Variants in NDNF observed in about 807,000 individuals in gnomAD.
NDNF encodes the protein protein NDNF.
Under a neutral mutation model 42.0 loss-of-function variants are expected in NDNF, and 16 were observed. That is an observed-to-expected ratio of 0.38 (90% CI 0.26 to 0.58). NDNF has a LOEUF of 0.58. Among genes scored for constraint, NDNF ranks in the 20% least tolerant of loss-of-function variants. NDNF has a pLI of 0.67. For synonymous variants in NDNF, 248 were observed against 251.7 expected (o/e 0.99, Z 0.14); for missense variants, 616 against 666.2 (o/e 0.92, Z 0.83).
chr4:121,040,790 G>A (rs1420797041), intron 2 of NDNF, among the ~76,000 whole-genome samples: 1 of 152,122 alleles, frequency 6.6e-6, no homozygotes, highest in Non-Finnish European at 1.5e-5. Flanking sequence ...CTGCAGGCGT[G>A]TGCCACCATA....
At chr4:121,069,854 G>A (rs1006512179) in intron 1 of NDNF, among the ~76,000 whole-genome samples, 1 of 152,148 alleles carries the variant, frequency 6.6e-6, no homozygotes, top group African/African-American at 2.4e-5. Flanking sequence ...AAACTCATAA[G>A]AGTCACTTCT....
chr4:121,046,156 A>T (rs975544373), intron 1 of NDNF, among the ~76,000 whole-genome samples: 5 of 152,214 alleles, frequency 3.3e-5, no homozygotes, highest in African/African-American at 1.2e-4. Flanking sequence ...CTATATGGAC[A>T]TTGTAGATAA....
chr4:121,047,309 G>A lies in NDNF; in HGVS notation c.-1-1471C>T, dbSNP rs79910907. On this transcript the variant is annotated intron_variant, in intron 1 of 3. Transcript: ENST00000379692. ...TATTCTTTGCTGTTCTGTGTTCTGC[G>A]GTTTTCCATACAAAATATCTGCAGT... 4.2e-3 allele frequency among the ~76,000 whole-genome samples: 637 copies of A among 152,228 alleles called. 4 individuals carry two copies. The highest frequency in any genetic ancestry group is 0.015 in the African/African-American group (615 of 41,534).
At chr4:121,062,887 T>C (rs1470569003) in intron 1 of NDNF, among the ~76,000 whole-genome samples, 1 of 152,162 alleles carries the variant, frequency 6.6e-6, no homozygotes, top group Non-Finnish European at 1.5e-5. Flanking sequence ...AAACTTTAAA[T>C]GTGGAAAATG....
intron 1 of NDNF, among the ~76,000 whole-genome samples, chr4:121,052,714 C>T (rs1164309620): frequency 1.3e-5 from 2 of 152,178 alleles, no homozygotes; most frequent in Non-Finnish European, 2.9e-5. Context: ...GAATGTCCAA[C>T]ATGTGCCAGC....
chr4:121,054,353 T>C (rs1727249406), intron 1 of NDNF, among the ~76,000 whole-genome samples: 1 of 152,202 alleles, frequency 6.6e-6, no homozygotes, highest in Admixed American at 6.5e-5. Context: ...TCAATATCTA[T>C]ATAATACATT....
At chr4:121,066,924 G>A (rs1727508904) in intron 1 of NDNF, among the ~76,000 whole-genome samples, 1 of 152,226 alleles carries the variant, frequency 6.6e-6, no homozygotes, top group Non-Finnish European at 1.5e-5. Flanking sequence ...TTAGAGAGAA[G>A]AAACACTGAC....
Position 121,037,635 on chromosome 4 carries a change from C to T in NDNF, c.336G>A (p.Gln112=), listed in dbSNP as rs1174295529. 1.3e-6 allele frequency: 2 copies of T among 1,588,534 alleles called. No individual in the cohort carries two copies. Among genetic ancestry groups the T allele is most frequent in the African/African-American group, 1.3e-5 (1 of 74,836 alleles). ...EGSGDLEPLE[Q]QKQQIINEEG... ...CCTCATTAATGATCTGCTGCTTCTG[C>T]TGCTCAAGAGGTTCCAGATCACCTA... is the stretch of plus-strand genomic sequence containing the variant. The change falls in exon 4 of 4, where the codon CAG becomes CAA. Residue 112 remains glutamine, a synonymous_variant. Coordinates refer to ENST00000379692, the MANE Select transcript of NDNF (RefSeq NM_024574.4).
chr4:121,036,888 C>T lies in NDNF; in HGVS notation c.1083G>A (p.Lys361=), dbSNP rs772059769. Residue 361 remains lysine, a synonymous_variant, in exon 4 of 4, where the codon AAG becomes AAA. Coordinates refer to ENST00000379692, the MANE Select transcript of NDNF (RefSeq NM_024574.4). ...AAGAGACTGGAGCAAACCGTAGAAA[C>T]TTTGCTCCCTTCCTTTTAACAAATA... is the stretch of plus-strand genomic sequence containing the variant. ...TDVFVKRKGA[K]FLRFAPVSSH... The T allele has an allele frequency of 6.2e-7, 1 of 1,614,006 alleles. No homozygotes were observed.
Position 121,059,461 on chromosome 4 carries a change from T to C in NDNF, c.-2+12532A>G, listed in dbSNP as rs561889563. Among the ~76,000 whole-genome samples the C allele has an allele frequency of 2.0e-5, 3 of 152,348 alleles. No individual in the cohort carries two copies. The South Asian group carries it at 6.2e-4, about 32-fold the overall frequency. The stretch of plus-strand genomic sequence containing the variant: ...TGCTAAACTTATATATAATAGGCTA[T>C]TGTGTGAAACCTAAGTAGTCTGGAA... On this transcript the variant is annotated intron_variant, in intron 1 of 3. Coordinates refer to ENST00000379692, the MANE Select transcript of NDNF (RefSeq NM_024574.4).
chr4:121,065,556 A>C (rs1727485573), intron 1 of NDNF, among the ~76,000 whole-genome samples: 1 of 151,594 alleles, frequency 6.6e-6, no homozygotes, highest in Non-Finnish European at 1.5e-5. Flanking sequence ...GTCCTTTTCT[A>C]ATTCCTGGAC....
At position 121,047,501 on chromosome 4, in the gene NDNF, CCA is replaced by C. The variant is rs1212024699; in HGVS notation, c.-1-1665_-1-1664del. Among the ~76,000 whole-genome samples, 2 of 152,126 alleles carry C rather than the reference CCA, an allele frequency of 1.3e-5. 1 individual carries two copies. Among genetic ancestry groups the C allele is most frequent in the African/African-American group, 4.8e-5 (2 of 41,432 alleles). On this transcript the variant is annotated intron_variant, in intron 1 of 3. Coordinates refer to ENST00000379692, the MANE Select transcript of NDNF (RefSeq NM_024574.4). The stretch of plus-strand genomic sequence containing the variant: ...ATACAGGTGGATCTGACTGCAGAGC[CCA>C]GTGTTCATCCTCTGTAATATCTCTC...
chr4:121,046,934 T>C (rs1271381312), intron 1 of NDNF, among the ~76,000 whole-genome samples: 1 of 152,220 alleles, frequency 6.6e-6, no homozygotes, highest in Non-Finnish European at 1.5e-5. Context: ...GAAAGAAATA[T>C]GTAAAGAATT....
chr4:121,065,698 T>C (rs929659289), intron 1 of NDNF, among the ~76,000 whole-genome samples: 9 of 147,740 alleles, frequency 6.1e-5, no homozygotes, highest in Admixed American at 4.1e-4. Context: ...ATATTCACTT[T>C]TATGTGTAAA....
At chr4:121,051,968 C>T (rs1280263415) in intron 1 of NDNF, among the ~76,000 whole-genome samples, 1 of 152,130 alleles carries the variant, frequency 6.6e-6, no homozygotes, top group Admixed American at 6.6e-5. Context: ...ATGTAAAGGT[C>T]CAAGGCTCTC....
chr4:121,067,173 C>G (rs1350359887), intron 1 of NDNF, among the ~76,000 whole-genome samples: 1 of 152,134 alleles, frequency 6.6e-6, no homozygotes, highest in Non-Finnish European at 1.5e-5. Context: ...CTTTATATAA[C>G]CTTACCATTA....
chr4:121,039,214 ATAT>A (rs1560603315), intron 3 of NDNF, among the ~76,000 whole-genome samples: 2 of 72,040 alleles, frequency 2.8e-5, no homozygotes, highest in African/African-American at 6.9e-5. Flanking sequence ...ATATATATAT[ATAT>A]ATATATATAT....
rs149131240 is a variant in NDNF, at chr4:121,068,919, G to A, written c.-2+3074C>T. Among the ~76,000 whole-genome samples, 25 of 152,114 alleles carry A rather than the reference G, an allele frequency of 1.6e-4. No individual in the cohort carries two copies. In the East Asian group the frequency reaches 4.1e-3, roughly 25 times the overall value. Reference sequence around the variant, plus strand: ...TCATACCAAAATGATAAGTCCTAACGACGACAACAAAAACACATTCAGTTT... The same window carrying A: ...TCATACCAAAATGATAAGTCCTAACAACGACAACAAAAACACATTCAGTTT... On this transcript the variant is annotated intron_variant, in intron 1 of 3. Transcript: ENST00000379692.
At chr4:121,065,903 G>T (rs1449029539) in intron 1 of NDNF, among the ~76,000 whole-genome samples, 1 of 151,774 alleles carries the variant, frequency 6.6e-6, no homozygotes, top group Non-Finnish European at 1.5e-5. Context: ...CATATTTATA[G>T]AGGACACTGA....
Sources: allele counts gnomAD v4.1 joint callset (sites outside exome capture counted in the v4.1 genomes callset), GRCh38; gene constraint gnomAD v4.1.1; transcripts MANE v1.5; gene names NCBI Gene and HGNC (gene_info 2026-07-23, HGNC 2026-07-21).